Variants in CHSY1 observed in about 807,000 individuals in gnomAD.
CHSY1 encodes N-acetylgalactosaminyl-proteoglycan 3-beta-glucuronosyltransferase 1.
Under a neutral mutation model 59.8 loss-of-function variants are expected in CHSY1, and 13 were observed. The ratio of observed to expected loss-of-function variants is 0.22; its 90% CI spans 0.14 to 0.35. CHSY1 has a LOEUF of 0.35. Among genes scored for constraint, CHSY1 ranks in the 10% least tolerant of loss-of-function variants. The probability of loss-of-function intolerance (pLI) is 1.00; values close to 1 mark genes in which losing one functional copy is unlikely to be tolerated. For missense variants in CHSY1, 947 were observed against 1,030.6 expected, an observed-to-expected ratio of 0.92 and a Z score of 1.11; for synonymous variants, 459 against 401.2, an observed-to-expected ratio of 1.14 and a Z score of -1.72.
intron 1 of CHSY1, among the ~76,000 whole-genome samples, chr15:101,248,829 C>G (rs188392178): frequency 6.6e-6 from 1 of 152,192 alleles, no homozygotes; most frequent in South Asian, 2.1e-4. Flanking sequence ...CTCTGCCCCC[C>G]AGGATGGAGC....
At chr15:101,194,321 C>A (rs2038481896) in intron 2 of CHSY1, among the ~76,000 whole-genome samples, 1 of 152,234 alleles carries the variant, frequency 6.6e-6, no homozygotes, top group Admixed American at 6.5e-5. Context: ...TACTCCTCTG[C>A]TTCTTTCTTA....
intron 1 of CHSY1, among the ~76,000 whole-genome samples, chr15:101,243,508 A>G (rs1020614280): frequency 1.1e-4 from 17 of 152,062 alleles, no homozygotes; most frequent in African/African-American, 3.9e-4. Context: ...CCACCTAAAC[A>G]CAGTCACCAG....
chr15:101,229,346 C>T (rs936613847), intron 2 of CHSY1, among the ~76,000 whole-genome samples: 1 of 151,998 alleles, frequency 6.6e-6, no homozygotes, highest in African/African-American at 2.4e-5. Flanking sequence ...AAGACACAAA[C>T]AAGTTGAAAG....
chr15:101,207,953 C>G (rs891105281), intron 2 of CHSY1, among the ~76,000 whole-genome samples: 1 of 152,186 alleles, frequency 6.6e-6, no homozygotes, highest in African/African-American at 2.4e-5. Context: ...GGCCGCCAAC[C>G]CTTGAGTTGA....
chr15:101,190,959 T>C (rs1210799185), intron 2 of CHSY1, among the ~76,000 whole-genome samples: 1 of 152,158 alleles, frequency 6.6e-6, no homozygotes, highest in East Asian at 1.9e-4. Context: ...GGACTCTCGC[T>C]CACTGCCGGG....
At chr15:101,200,349 C>T (rs1047850279) in intron 2 of CHSY1, among the ~76,000 whole-genome samples, 2 of 152,194 alleles carry the variant, frequency 1.3e-5, no homozygotes, top group African/African-American at 4.8e-5. Context: ...GTAAACACAA[C>T]GCGAAGAAGA....
Position 101,236,151 on chromosome 15 carries a change from C to A in CHSY1, c.321-574G>T, listed in dbSNP as rs528458927. Among the ~76,000 whole-genome samples the A allele has an allele frequency of 2.0e-5, 3 of 152,272 alleles. No individual in the cohort carries two copies. In the South Asian group the frequency reaches 6.2e-4, roughly 32 times the overall value. On this transcript the variant is annotated intron_variant, in intron 1 of 2. Coordinates refer to ENST00000254190, the MANE Select transcript of CHSY1 (RefSeq NM_014918.5). ...GAGCACAGGACATGAGCTGAACCAA[C>A]AGAACAGGGAGCCTTCCCCTGAAAC...
intron 2 of CHSY1, among the ~76,000 whole-genome samples, chr15:101,219,964 G>A (rs953228309): frequency 1.6e-4 from 25 of 152,154 alleles, no homozygotes; most frequent in African/African-American, 5.8e-4. Context: ...ATGTTGGCCA[G>A]GCTGGTCTTC....
intron 2 of CHSY1, among the ~76,000 whole-genome samples, chr15:101,219,557 G>A (rs1007028770): frequency 2.0e-5 from 3 of 152,156 alleles, no homozygotes; most frequent in Non-Finnish European, 4.4e-5. Flanking sequence ...CTGTAACACA[G>A]GGCCCACACT....
chr15:101,195,424 A>G (rs192941146), intron 2 of CHSY1, among the ~76,000 whole-genome samples: 19 of 152,380 alleles, frequency 1.2e-4, no homozygotes, highest in African/African-American at 3.4e-4. Context: ...ATTATAAGCT[A>G]TAAGAACAAC....
chr15:101,245,795 A>G (rs1024086767), intron 1 of CHSY1, among the ~76,000 whole-genome samples: 12 of 152,254 alleles, frequency 7.9e-5, no homozygotes, highest in Admixed American at 6.5e-4. Context: ...AGTCTCCTAC[A>G]GGAAATTCAC....
intron 2 of CHSY1, among the ~76,000 whole-genome samples, chr15:101,190,378 G>A (rs1297034887): frequency 2.0e-5 from 3 of 152,272 alleles, no homozygotes; most frequent in East Asian, 1.9e-4. Context: ...GCAATCCCAC[G>A]GAGAAGTGAC....
intron 1 of CHSY1, among the ~76,000 whole-genome samples, chr15:101,248,953 A>ATTTTTTT (rs565187410): frequency 9.0e-6 from 1 of 111,448 alleles, no homozygotes; most frequent in Admixed American, 9.2e-5. Flanking sequence ...AGCCTGGCTA[A>ATTTTTTT]TTTTTTTTTT....
Position 101,177,645 on chromosome 15 carries a change from G to A in CHSY1, c.2152C>T (p.Leu718=). 1 of 1,614,132 alleles carries A rather than the reference G, an allele frequency of 6.2e-7. No individual in the cohort carries two copies. The highest frequency in any genetic ancestry group is 8.5e-7 in the Non-Finnish European group (1 of 1,180,030). The change falls in exon 3 of 3, where the codon CTG becomes TTG. Residue 718 remains leucine (L), a synonymous_variant. Transcript: ENST00000254190. ...TTGTTGAAAAGGTCCACATCCTCCA[G>A]CCCCCAGCCTTGGATGGAAACATCA... ...GFDVSIQGWG[L]EDVDLFNKVV... is the part of the protein sequence containing the mutation.
intron 1 of CHSY1, among the ~76,000 whole-genome samples, chr15:101,238,401 C>T (rs576611612): frequency 3.3e-5 from 5 of 152,264 alleles, no homozygotes; most frequent in South Asian, 4.1e-4. Context: ...AAAACAACTT[C>T]GAATGTATCT....
intron 1 of CHSY1, 70 bp from the exon 2 acceptor site, chr15:101,235,647 T>C: frequency 6.6e-7 from 1 of 1,510,812 alleles, no homozygotes; most frequent in East Asian, 2.2e-5. Context: ...TCACGTTATC[T>C]GCTCATCTTG....
intron 2 of CHSY1, chr15:101,189,513 G>A: frequency 1.0e-6 from 1 of 982,082 alleles, no homozygotes; most frequent in South Asian, 4.7e-5. Context: ...CGGGTTTAAA[G>A]GGAAGCTAGA....
chr15:101,246,966 T>G (rs562053343), intron 1 of CHSY1, among the ~76,000 whole-genome samples: 1 of 152,348 alleles, frequency 6.6e-6, no homozygotes, highest in Admixed American at 6.5e-5. Context: ...TTAATTTGCA[T>G]AATAAATGAC....
intron 2 of CHSY1, among the ~76,000 whole-genome samples, chr15:101,211,187 G>GGTGGCA (rs1185239864): frequency 6.6e-6 from 1 of 152,136 alleles, no homozygotes; most frequent in Non-Finnish European, 1.5e-5. Context: ...AGCCGGGCGT[G>GGTGGCA]GTGGCAGGCA....
Sources: allele counts gnomAD v4.1 joint callset (sites outside exome capture counted in the v4.1 genomes callset), GRCh38; gene constraint gnomAD v4.1.1; transcripts MANE v1.5; gene names NCBI Gene and HGNC (gene_info 2026-07-23, HGNC 2026-07-21).